Variants in MTSS1 observed in about 807,000 individuals in gnomAD.
The protein encoded by MTSS1 is protein MTSS 1.
A neutral mutation model predicts 79.0 loss-of-function variants in MTSS1; 18 were observed. The observed-to-expected ratio is 0.23, with a 90% CI of 0.16 to 0.34. The LOEUF (loss-of-function observed/expected upper bound fraction) is 0.34, where lower values mean the gene tolerates loss of function less well. Among genes scored for constraint, MTSS1 ranks in the 10% least tolerant of loss-of-function variants. MTSS1 has a pLI of 1.00. For synonymous variants in MTSS1, 341 were observed against 368.6 expected (o/e 0.93, Z 0.86); for missense variants, 815 against 986.2 (o/e 0.83, Z 2.33).
At chr8:124,679,139 T>C (rs922056731) in intron 3 of MTSS1, among the ~76,000 whole-genome samples, 5 of 152,242 alleles carry the variant, frequency 3.3e-5, no homozygotes, top group African/African-American at 1.2e-4. Flanking sequence ...GGTTGTTTTG[T>C]GAGGGCAAGT....
intron 2 of MTSS1, 116 bp from the exon 3 acceptor site, chr8:124,699,715 C>G: frequency 2.2e-6 from 2 of 902,398 alleles, no homozygotes; most frequent in Non-Finnish European, 3.5e-6. Flanking sequence ...CCAGAAATAA[C>G]TCAACTGAGC....
At chr8:124,595,281 C>A (rs1832562295) in intron 3 of MTSS1, among the ~76,000 whole-genome samples, 1 of 152,158 alleles carries the variant, frequency 6.6e-6, no homozygotes, top group South Asian at 2.1e-4. Context: ...TAATAAATGA[C>A]CACGAGCTTA....
chr8:124,728,357 TA>T lies in MTSS1; in HGVS notation c.-403del, dbSNP rs1052507795. On this transcript the variant is annotated 5_prime_UTR_variant, in exon 1 of 14. Transcript: ENST00000518547. This position sits in a 1 kb window ranked among gnomAD's most constrained non-coding sequence, Gnocchi z 6.1. ...CCAATTTAATAAATTTTTCTGCAATTAAAAAAAAATCGCCCAACAGCAGAGC... is the reference window on the plus strand; with the variant it reads ...CCAATTTAATAAATTTTTCTGCAATTAAAAAAAATCGCCCAACAGCAGAGC... The T allele has an allele frequency of 6.5e-5, 10 of 153,840 alleles. No individual in the cohort carries two copies. The highest frequency in any genetic ancestry group is 8.6e-5 in the Non-Finnish European group (6 of 69,852). The allele number at this position is 153,840 out of a possible 1,614,324, so 9.5% of individuals were successfully genotyped here. A position where few individuals can be genotyped will look rare whatever the true frequency, so the allele number is the denominator to read the frequency against.
chr8:124,679,694 C>T (rs534372362), intron 3 of MTSS1, among the ~76,000 whole-genome samples: 2 of 152,316 alleles, frequency 1.3e-5, no homozygotes, highest in African/African-American at 4.8e-5. Context: ...ACTCCTGTCA[C>T]CTGACTCATA....
intron 3 of MTSS1, among the ~76,000 whole-genome samples, chr8:124,656,676 G>C (rs1820997000): frequency 6.6e-6 from 1 of 151,174 alleles, no homozygotes; most frequent in Non-Finnish European, 1.5e-5. Context: ...TACTCAGGAG[G>C]CTGAGGCAGG....
At chr8:124,594,029 T>C (rs1355330833) in intron 3 of MTSS1, among the ~76,000 whole-genome samples, 2 of 152,160 alleles carry the variant, frequency 1.3e-5, no homozygotes, top group South Asian at 2.1e-4. Context: ...TAAGCTACTA[T>C]AGGGAGTTCA....
chr8:124,588,643 G>A (rs920412924), intron 5 of MTSS1, among the ~76,000 whole-genome samples: 1 of 152,174 alleles, frequency 6.6e-6, no homozygotes, highest in Admixed American at 6.5e-5. Context: ...TTAAAAGTCT[G>A]GCTTTCAAAA....
chr8:124,623,023 C>T (rs759467702), intron 3 of MTSS1, among the ~76,000 whole-genome samples: 14 of 152,216 alleles, frequency 9.2e-5, no homozygotes, highest in East Asian at 1.9e-4. Context: ...ATCCAGCCTG[C>T]TTGCCTTTCT....
chr8:124,641,468 C>T (rs1462674153), intron 3 of MTSS1, among the ~76,000 whole-genome samples: 3 of 152,182 alleles, frequency 2.0e-5, no homozygotes. Context: ...AACAAGATTC[C>T]TTGTGCAGTT....
intron 3 of MTSS1, among the ~76,000 whole-genome samples, chr8:124,599,477 C>T (rs1345750456): frequency 7.8e-5 from 9 of 115,090 alleles, no homozygotes; most frequent in East Asian, 4.8e-4. Flanking sequence ...AATGAGACTC[C>T]GTCTCAAAAA....
intron 6 of MTSS1, among the ~76,000 whole-genome samples, chr8:124,569,868 T>C (rs1391637694): frequency 1.3e-5 from 2 of 152,144 alleles, no homozygotes; most frequent in South Asian, 4.1e-4. Flanking sequence ...AGAGGCAGGG[T>C]TGAGCCACAC....
intron 3 of MTSS1, among the ~76,000 whole-genome samples, chr8:124,652,702 G>A (rs182821224): frequency 0.073 from 11,021 of 151,762 alleles, 430 homozygotes; most frequent in Middle Eastern, 0.095. Context: ...GGCTGAGGCA[G>A]GAGAATCACT....
intron 5 of MTSS1, 41 bp from the exon 6 acceptor site, chr8:124,585,202 T>C (rs1015960106): frequency 6.7e-7 from 1 of 1,484,260 alleles, no homozygotes; most frequent in Non-Finnish European, 9.3e-7. Context: ...ACCACTTTGC[T>C]TAACAGAAAA....
Position 124,562,821 on chromosome 8 carries a change from G to A in MTSS1, c.996C>T (p.Ser332=), listed in dbSNP as rs147538288. 10 of 1,614,044 alleles carry A rather than the reference G, an allele frequency of 6.2e-6. No homozygotes were observed. Among genetic ancestry groups the A allele is most frequent in the African/African-American group, 1.3e-5 (1 of 74,916 alleles). ...SGFISQDAFQ[S]KSPSPMPPEA... is the part of the protein sequence containing the mutation. ...CTGGCGGCATGGGGGATGGTGACTT[G>A]GACTGGAAGGCATCCTGGGATATGA... The change falls in exon 10 of 14, where the codon TCC becomes TCT. Residue 332 remains serine (S), a synonymous_variant. Transcript: ENST00000518547.
chr8:124,697,585 C>CA (rs952374171), intron 3 of MTSS1, among the ~76,000 whole-genome samples: 65 of 144,744 alleles, frequency 4.5e-4, no homozygotes, highest in South Asian at 3.3e-3. Context: ...AACAAACAAA[C>CA]AAAAAAAAAA....
intron 3 of MTSS1, chr8:124,619,565 G>A (rs923509754): frequency 2.6e-5 from 4 of 152,358 alleles, no homozygotes; most frequent in African/African-American, 9.6e-5. Context: ...TGACGTTAAA[G>A]AGGAAAGGAA....
At chr8:124,596,060 T>C (rs1832701783) in intron 3 of MTSS1, among the ~76,000 whole-genome samples, 1 of 152,234 alleles carries the variant, frequency 6.6e-6, no homozygotes, top group South Asian at 2.1e-4. Flanking sequence ...TGGGGACACC[T>C]GCCTCAGGAT....
chr8:124,684,086 T>G (rs542316852), intron 3 of MTSS1, among the ~76,000 whole-genome samples: 4 of 152,260 alleles, frequency 2.6e-5, no homozygotes, highest in South Asian at 4.1e-4. Flanking sequence ...AGCCACAGGA[T>G]AGCAAAAACC....
intron 3 of MTSS1, among the ~76,000 whole-genome samples, chr8:124,667,378 C>T (rs959093984): frequency 1.3e-5 from 2 of 151,366 alleles, no homozygotes; most frequent in Admixed American, 6.6e-5. Context: ...GGCGTGGTGG[C>T]TCATGCCTGT....
Sources: gnomAD v4.1 joint callset for allele counts (sites outside exome capture counted in the v4.1 genomes callset) on GRCh38, gnomAD v4.1.1 for gene constraint, Gnocchi (gnomAD v3.1) non-coding constraint, MANE v1.5 for transcripts, NCBI Gene and HGNC (gene_info 2026-07-23, HGNC 2026-07-21) for gene names.